RPS6KC1: variants seen among roughly 807,000 people sequenced by gnomAD.
RPS6KC1 encodes the protein ribosomal protein S6 kinase C1.
Under a neutral mutation model 103.8 loss-of-function variants are expected in RPS6KC1, and 54 were observed. The observed-to-expected ratio is 0.52, with a 90% CI of 0.42 to 0.65. The LOEUF is 0.65. RPS6KC1 is among the 30% of genes least tolerant of loss of function. The pLI is 0.00. For missense variants in RPS6KC1, 1,151 were observed against 1,253.8 expected (o/e 0.92, Z 1.24); for synonymous variants, 439 against 438.7 (o/e 1.00, Z -0.01).
At chr1:213,829,880 T>C in the RPS6KC1 span, among the ~76,000 whole-genome samples, 1 of 152,202 alleles carries the variant, frequency 6.6e-6, no homozygotes, top group East Asian at 1.9e-4. Flanking sequence ...AACTAGAGCA[T>C]TAATAAATTT....
At chr1:213,207,552 C>T (rs1263534389) in intron 8 of RPS6KC1, among the ~76,000 whole-genome samples, 1 of 152,158 alleles carries the variant, frequency 6.6e-6, no homozygotes, top group East Asian at 1.9e-4. Context: ...GCTCCAAGCC[C>T]CTGACTCTTT....
the RPS6KC1 span, among the ~76,000 whole-genome samples, chr1:213,391,485 G>A: frequency 6.6e-6 from 1 of 152,186 alleles, no homozygotes; most frequent in Non-Finnish European, 1.5e-5. Flanking sequence ...TGGGTGACTA[G>A]CTTCTGGTTT....
At chr1:213,798,160 A>G in the RPS6KC1 span, among the ~76,000 whole-genome samples, 1 of 152,194 alleles carries the variant, frequency 6.6e-6, no homozygotes, top group South Asian at 2.1e-4. Context: ...TCTGGCCCCA[A>G]AGAAAGCAAA....
At chr1:213,749,647 G>A in the RPS6KC1 span, among the ~76,000 whole-genome samples, 1 of 152,128 alleles carries the variant, frequency 6.6e-6, no homozygotes, top group Non-Finnish European at 1.5e-5. Flanking sequence ...ACCTCGGGGA[G>A]CACCTCCCAC....
intron 4 of RPS6KC1, among the ~76,000 whole-genome samples, chr1:213,114,182 C>T (rs1463854008): frequency 6.6e-6 from 1 of 152,098 alleles, no homozygotes; most frequent in Non-Finnish European, 1.5e-5. Flanking sequence ...TGGATTCTTC[C>T]TACCCATGAG....
intron 3 of RPS6KC1, among the ~76,000 whole-genome samples, chr1:213,081,828 G>A (rs1253704167): frequency 1.3e-5 from 2 of 152,012 alleles, no homozygotes; most frequent in Non-Finnish European, 2.9e-5. Context: ...ATGAACTTAG[G>A]AGCAGATTCT....
intron 8 of RPS6KC1, among the ~76,000 whole-genome samples, chr1:213,211,161 C>T (rs964354496): frequency 6.6e-6 from 1 of 152,174 alleles, no homozygotes; most frequent in Non-Finnish European, 1.5e-5. Flanking sequence ...TAATTTTCAT[C>T]TAAATTTAAC....
rs1450877503 is a variant in RPS6KC1 at position 213,274,300 on chromosome 1, A to T, written c.*1666A>T. The stretch of plus-strand genomic sequence containing the variant: ...GAATGACTTCCTGTGTAGGACTAGT[A>T]GGAAATCTGCAAGTACTTAGAGCTG... On this transcript the variant is annotated 3_prime_UTR_variant, in exon 15 of 15. Transcript: ENST00000366960. The T allele has an allele frequency of 6.6e-6, 1 of 152,204 alleles. No individual in the cohort carries two copies. Among genetic ancestry groups the T allele is most frequent in the African/African-American group, 2.4e-5 (1 of 41,454 alleles). The allele number at this position is 152,204 out of a possible 1,614,324, so 9.4% of individuals were successfully genotyped here.
chr1:213,733,033 C>G, the RPS6KC1 span, among the ~76,000 whole-genome samples: 4 of 152,098 alleles, frequency 2.6e-5, no homozygotes, highest in Non-Finnish European at 4.4e-5. Context: ...ATTTTCTTTA[C>G]CCATTATTCC....
chr1:213,683,851 T>A, the RPS6KC1 span, among the ~76,000 whole-genome samples: 1 of 152,004 alleles, frequency 6.6e-6, no homozygotes, highest in South Asian at 2.1e-4. Context: ...CCTCCCTCCC[T>A]CCTCACCCTG....
At chr1:213,561,093 T>C in the RPS6KC1 span, among the ~76,000 whole-genome samples, 1 of 152,206 alleles carries the variant, frequency 6.6e-6, no homozygotes, top group African/African-American at 2.4e-5. Context: ...GGCTTACATA[T>C]AGGATTACCT....
chr1:213,702,107 T>C, the RPS6KC1 span, among the ~76,000 whole-genome samples: 1 of 151,970 alleles, frequency 6.6e-6, no homozygotes, highest in African/African-American at 2.4e-5. Context: ...TTTTGGTATG[T>C]TGTGTTTCCA....
At chr1:213,591,667 A>G in the RPS6KC1 span, among the ~76,000 whole-genome samples, 2 of 152,162 alleles carry the variant, frequency 1.3e-5, no homozygotes, top group African/African-American at 2.4e-5. Context: ...GCCCCTGGGT[A>G]GCAGATTCTG....
chr1:213,571,124 C>CT, the RPS6KC1 span, among the ~76,000 whole-genome samples: 1 of 152,110 alleles, frequency 6.6e-6, no homozygotes, highest in South Asian at 2.1e-4. Flanking sequence ...CAGATGTGGC[C>CT]TTTGTAGACA....
the RPS6KC1 span, among the ~76,000 whole-genome samples, chr1:213,832,250 A>G: frequency 8.6e-5 from 13 of 152,026 alleles, no homozygotes; most frequent in African/African-American, 2.9e-4. Context: ...CCTTAATTCT[A>G]TTTGCTTCAC....
the RPS6KC1 span, among the ~76,000 whole-genome samples, chr1:213,363,710 C>G: frequency 9.4e-6 from 1 of 106,438 alleles, no homozygotes; most frequent in African/African-American, 4.8e-5. Context: ...TTCCTTCTTT[C>G]TTTCTTTCTT....
intron 6 of RPS6KC1, among the ~76,000 whole-genome samples, chr1:213,146,046 G>A (rs1572824555): frequency 8.6e-6 from 1 of 115,984 alleles, no homozygotes; most frequent in Non-Finnish European, 1.6e-5. Flanking sequence ...ACCCTTCCCA[G>A]ACTCTGGTAA....
chr1:213,480,378 G>T, the RPS6KC1 span, among the ~76,000 whole-genome samples: 1 of 152,076 alleles, frequency 6.6e-6, no homozygotes, highest in East Asian at 1.9e-4. Flanking sequence ...GTGCATTTTT[G>T]ATGCAATTGT....
chr1:213,093,555 T>TA (rs2081182472), intron 3 of RPS6KC1, among the ~76,000 whole-genome samples: 1 of 152,234 alleles, frequency 6.6e-6, no homozygotes, highest in South Asian at 2.1e-4. Context: ...TAAGTAAACT[T>TA]CAGCAGCAAA....
Sources: gnomAD v4.1 joint callset for allele counts (sites outside exome capture counted in the v4.1 genomes callset) on GRCh38, gnomAD v4.1.1 for gene constraint, MANE v1.5 for transcripts, NCBI Gene and HGNC (gene_info 2026-07-23, HGNC 2026-07-21) for gene names.